Variants in FAM89A observed in about 807,000 individuals in gnomAD.
FAM89A encodes the protein protein FAM89A.
FAM89A carries 10 observed loss-of-function variants against 7.1 expected under a neutral mutation model. The ratio of observed to expected loss-of-function variants is 1.40; its 90% CI spans 0.86 to 2.38. FAM89A has a LOEUF of 2.38. Ranked by LOEUF, FAM89A falls within the 30% of genes most tolerant of loss-of-function variation. The pLI is 0.00. For synonymous variants in FAM89A, 157 were observed against 129.3 expected (o/e 1.21, Z -1.45); for missense variants, 276 against 262.8 (o/e 1.05, Z -0.35).
chr1:231,039,993 C>A lies in FAM89A; in HGVS notation c.219G>T (p.Gly73=). The part of the protein sequence containing the change: ...ELSRGGPGGG[G]ARAAALPAKP... ...TGGCGGGCAGCGCTGCCGCCCGGGCCCCGCCGCCGCCCGGGCCCCCGCGGC... is the reference window on the plus strand; with the variant it reads ...TGGCGGGCAGCGCTGCCGCCCGGGCACCGCCGCCGCCCGGGCCCCCGCGGC... The change falls in exon 1 of 2, where the codon GGG becomes GGT. Residue 73 remains glycine, a synonymous_variant. Coordinates refer to ENST00000366654, the MANE Select transcript of FAM89A (RefSeq NM_198552.3). 1 of 1,385,140 alleles carries A rather than the reference C, an allele frequency of 7.2e-7. No homozygotes were observed. The highest frequency in any genetic ancestry group is 9.3e-7 in the Non-Finnish European group (1 of 1,076,266). The allele number at this position is 1,385,140 out of a possible 1,614,324, so 85.8% of individuals were successfully genotyped here.
At position 231,040,230 on chromosome 1, in the gene FAM89A, C is replaced by G. The variant is rs1448854021; in HGVS notation, c.-19G>C. 7 of 1,037,956 alleles carry G rather than the reference C, an allele frequency of 6.7e-6. No homozygotes were observed. Among genetic ancestry groups the G allele is most frequent in the Non-Finnish European group, 8.1e-6 (7 of 866,430 alleles). 64.3% of individuals were successfully genotyped at this position (1,037,956 alleles called of 1,614,324 possible). A position where few individuals can be genotyped will look rare whatever the true frequency, so the allele number is the denominator to read the frequency against. On this transcript the variant is annotated 5_prime_UTR_variant, in exon 1 of 2. Transcript: ENST00000366654. Reference sequence around the variant, plus strand: ...CACTCATCGCGCCGCGGCCCGGCCACGCGCCTGCCCCGCTGCAGCGAACCA... The same window carrying G: ...CACTCATCGCGCCGCGGCCCGGCCAGGCGCCTGCCCCGCTGCAGCGAACCA...
intron 1 of FAM89A, chr1:231,021,973 T>C: frequency 1.5e-6 from 2 of 1,364,482 alleles, no homozygotes; most frequent in African/African-American, 1.4e-5. Context: ...ATGAGGGCGC[T>C]ATAGGCCTCA....
chr1:231,028,073 G>A (rs1680004193), intron 1 of FAM89A, among the ~76,000 whole-genome samples: 1 of 152,236 alleles, frequency 6.6e-6, no homozygotes, highest in East Asian at 1.9e-4. Context: ...ACGCCTGGCT[G>A]CAGAGATCTC....
rs138650916 is a variant in FAM89A at position 231,019,937 on chromosome 1, G to A, written c.481C>T (p.Arg161Ter). Residue 161 changes from arginine to a stop codon, truncating the protein, a stop_gained, in exon 2 of 2, where the codon CGA becomes TGA. Transcript: ENST00000366654. LOFTEE classifies it high-confidence loss of function. ...EQNSLHDRRD[R>*]GPPRDLSLPV... ...AGTGACAAGTCCCGAGGAGGGCCTC[G>A]GTCCCTCCTGTCGTGCAGGGAGTTC... is the stretch of plus-strand genomic sequence containing the variant. 1.6e-5 allele frequency: 26 copies of A among 1,613,950 alleles called. No homozygotes were observed. Among genetic ancestry groups the A allele is most frequent in the African/African-American group, 9.3e-5 (7 of 74,908 alleles).
intron 1 of FAM89A, among the ~76,000 whole-genome samples, chr1:231,039,212 A>G (rs1680208832): frequency 6.6e-6 from 1 of 152,260 alleles, no homozygotes; most frequent in Admixed American, 6.5e-5. Context: ...CACTGAGCCC[A>G]TGGTATGGAG....
At chr1:231,039,771 T>G in intron 1 of FAM89A, 150 bp downstream of exon 1, 3 of 740,408 alleles carry the variant, frequency 4.1e-6, no homozygotes, top group Non-Finnish European at 5.6e-6. Context: ...AAAATGGGGG[T>G]CGTTGGGAGG....
intron 1 of FAM89A, among the ~76,000 whole-genome samples, chr1:231,034,435 A>G (rs1186063499): frequency 6.6e-6 from 1 of 152,170 alleles, no homozygotes; most frequent in Non-Finnish European, 1.5e-5. Flanking sequence ...CGAGCTTTTG[A>G]TCCTTGATTC....
chr1:231,021,033 G>A (rs915621790), intron 1 of FAM89A, among the ~76,000 whole-genome samples: 9 of 152,120 alleles, frequency 5.9e-5, no homozygotes, highest in African/African-American at 1.4e-4. Context: ...GAACCACCCG[G>A]GGATCTTGTT....
intron 1 of FAM89A, chr1:231,026,792 G>A (rs1356886778): frequency 7.2e-5 from 11 of 152,004 alleles, no homozygotes; most frequent in Admixed American, 2.0e-4. Context: ...AGTCTGACTC[G>A]GCCAGCTCTG....
chr1:231,021,743 G>C, intron 1 of FAM89A: 1 of 1,601,840 alleles, frequency 6.2e-7, no homozygotes, highest in Non-Finnish European at 8.5e-7. Context: ...TGCTGGAGAT[G>C]AAATTGTTGA....
chr1:231,024,384 A>G (rs1231916311), intron 1 of FAM89A, among the ~76,000 whole-genome samples: 1 of 152,198 alleles, frequency 6.6e-6, no homozygotes, highest in Non-Finnish European at 1.5e-5. Flanking sequence ...CATCTTGTAA[A>G]TAGATTGGGT....
chr1:231,020,810 A>G (rs1446331920), intron 1 of FAM89A, among the ~76,000 whole-genome samples: 1 of 152,236 alleles, frequency 6.6e-6, no homozygotes, highest in Non-Finnish European at 1.5e-5. Context: ...CACAAAAACA[A>G]GCAGCAAAAG....
chr1:231,028,604 C>G (rs1016314437), intron 1 of FAM89A: 54 of 152,240 alleles, frequency 3.5e-4, no homozygotes, highest in African/African-American at 1.2e-3. Flanking sequence ...ATACAGCTCT[C>G]TTTTGAAAGC....
At chr1:231,030,659 A>G (rs1680051129) in intron 1 of FAM89A, among the ~76,000 whole-genome samples, 1 of 152,194 alleles carries the variant, frequency 6.6e-6, no homozygotes, top group Non-Finnish European at 1.5e-5. Flanking sequence ...GTAATCATAC[A>G]AACCAGTTCT....
At position 231,040,034 on chromosome 1, in the gene FAM89A, T is replaced by C; in HGVS notation, c.178A>G (p.Ile60Val). Residue 60 changes from isoleucine to valine, a missense_variant, in exon 1 of 2, where the codon ATC (isoleucine) becomes GTC (valine). Physicochemically the swap from Ile to Val is conservative, Grantham distance 29. Coordinates refer to ENST00000366654, the MANE Select transcript of FAM89A (RefSeq NM_198552.3). ...LERLYAQKSR[I>V]QDELSRGGPG... ...CCCCCGCGGCTCAGCTCGTCCTGGA[T>C]GCGCGACTTCTGCGCGTACAGCCGC... 1 of 1,444,754 alleles carries C rather than the reference T, an allele frequency of 6.9e-7. No homozygotes were observed. The highest frequency in any genetic ancestry group is 9.1e-7 in the Non-Finnish European group (1 of 1,101,792). The allele number at this position is 1,444,754 out of a possible 1,614,324, so 89.5% of individuals were successfully genotyped here.
intron 1 of FAM89A, among the ~76,000 whole-genome samples, chr1:231,024,829 T>C (rs1334141758): frequency 6.6e-6 from 1 of 151,144 alleles, no homozygotes; most frequent in Admixed American, 6.6e-5. Context: ...TGAGCCACTG[T>C]GCCCAGCCTA....
chr1:231,028,543 G>C (rs907008076), intron 1 of FAM89A: 1 of 152,144 alleles, frequency 6.6e-6, no homozygotes, highest in Non-Finnish European at 1.5e-5. Context: ...GTGTGTTCTC[G>C]CATGCCCTTG....
At chr1:231,021,741 A>G in intron 1 of FAM89A, 2 of 1,601,760 alleles carry the variant, frequency 1.2e-6, no homozygotes, top group African/African-American at 2.7e-5. Context: ...ACTGCTGGAG[A>G]TGAAATTGTT....
chr1:231,034,117 C>T (rs1680118912), intron 1 of FAM89A, among the ~76,000 whole-genome samples: 3 of 152,246 alleles, frequency 2.0e-5, no homozygotes, highest in Admixed American at 6.5e-5. Flanking sequence ...ACCTTTCTTC[C>T]TTTTCTGCTT....
Sources: allele counts gnomAD v4.1 joint callset (sites outside exome capture counted in the v4.1 genomes callset), GRCh38; gene constraint gnomAD v4.1.1; transcripts MANE v1.5; gene names NCBI Gene and HGNC (gene_info 2026-07-23, HGNC 2026-07-21).